GPHN: variants seen among roughly 807,000 people sequenced by gnomAD.
GPHN encodes the protein gephyrin.
A neutral mutation model predicts 95.5 loss-of-function variants in GPHN; 17 were observed. The ratio of observed to expected loss-of-function variants is 0.18; its 90% CI spans 0.12 to 0.27. GPHN has a LOEUF of 0.27. Ranked by LOEUF, GPHN falls within the 10% of genes least tolerant of loss-of-function variation. GPHN has a pLI of 1.00. For missense variants in GPHN, 660 were observed against 978.1 expected (o/e 0.67, Z 4.34); for synonymous variants, 320 against 322.5 (o/e 0.99, Z 0.08).
At chr14:67,212,226 G>T in the GPHN span, among the ~76,000 whole-genome samples, 23,887 of 151,990 alleles carry the variant, frequency 0.16, 3,540 homozygotes, top group East Asian at 0.42. Flanking sequence ...CTCAGTAAAT[G>T]ATCATTATTG....
the GPHN span, chr14:67,592,537 C>T: frequency 1.4e-6 from 1 of 699,222 alleles, no homozygotes; most frequent in Non-Finnish European, 2.6e-6. Flanking sequence ...CTCAAAACAG[C>T]TGTCAGGTAT....
the GPHN span, among the ~76,000 whole-genome samples, chr14:67,632,808 A>ATTTTTTTTTTTTTT: frequency 1.6e-5 from 1 of 62,358 alleles, no homozygotes; most frequent in African/African-American, 6.7e-5. Flanking sequence ...AAGCCTCTTA[A>ATTTTTTTTTTTTTT]TTTTTTTTTT....
intron 2 of GPHN, among the ~76,000 whole-genome samples, chr14:66,688,829 C>A (rs905709955): frequency 8.6e-5 from 13 of 151,540 alleles, no homozygotes; most frequent in African/African-American, 3.2e-4. Context: ...AAACCAAACA[C>A]CGCATGTTCT....
At chr14:66,687,485 G>GTTTT (rs1468240848) in intron 2 of GPHN, among the ~76,000 whole-genome samples, 13 of 143,766 alleles carry the variant, frequency 9.0e-5, no homozygotes, top group Non-Finnish European at 1.5e-4. Flanking sequence ...TATTTTATTT[G>GTTTT]GTTTTTTTTT....
the GPHN span, among the ~76,000 whole-genome samples, chr14:67,373,329 T>C: frequency 6.6e-6 from 1 of 152,208 alleles, no homozygotes; most frequent in Non-Finnish European, 1.5e-5. Flanking sequence ...ATGTAAGTCA[T>C]ACAATTTTTA....
At chr14:66,665,202 A>G (rs1327376842) in intron 1 of GPHN, among the ~76,000 whole-genome samples, 1 of 152,152 alleles carries the variant, frequency 6.6e-6, no homozygotes, top group Non-Finnish European at 1.5e-5. Flanking sequence ...TCAGGCCAAT[A>G]TCCTTGATGA....
At chr14:67,717,420 A>C in the GPHN span, among the ~76,000 whole-genome samples, 1 of 152,380 alleles carries the variant, frequency 6.6e-6, no homozygotes, top group Non-Finnish European at 1.5e-5. Context: ...GATGGCCAGC[A>C]TCCTAGGCCC....
At chr14:67,392,515 C>G in the GPHN span, 1 of 1,265,914 alleles carries the variant, frequency 7.9e-7, no homozygotes, top group South Asian at 1.2e-5. Flanking sequence ...GGAAATTCCT[C>G]AGGACAGGAA....
intron 1 of GPHN, among the ~76,000 whole-genome samples, chr14:66,589,175 G>T (rs548486329): frequency 1.3e-5 from 2 of 152,196 alleles, no homozygotes; most frequent in East Asian, 1.9e-4. Flanking sequence ...TTACAGACAA[G>T]CAAATGCTGA....
At chr14:67,540,109 A>C in the GPHN span, among the ~76,000 whole-genome samples, 2 of 152,154 alleles carry the variant, frequency 1.3e-5, no homozygotes, top group Non-Finnish European at 2.9e-5. Flanking sequence ...AAAAGCAACA[A>C]ATTTTTATTA....
the GPHN span, chr14:67,473,034 C>T: frequency 0.01 from 2,363 of 229,554 alleles, 57 homozygotes; most frequent in African/African-American, 0.051. This position sits in a 1 kb window ranked among gnomAD's most constrained non-coding sequence, Gnocchi z 6.5. Flanking sequence ...AAATCCAGAT[C>T]GGAGGGAGGG....
chr14:67,600,388 GCC>G, the GPHN span: 2 of 547,364 alleles, frequency 3.7e-6, no homozygotes, highest in Non-Finnish European at 3.1e-6. Context: ...TTCCGGGCCG[GCC>G]TTGACTGTCT....
chr14:67,331,225 A>C, the GPHN span, among the ~76,000 whole-genome samples: 5 of 151,904 alleles, frequency 3.3e-5, no homozygotes, highest in African/African-American at 1.2e-4. Context: ...TTGTATTTTT[A>C]ATAGAGACGG....
At chr14:66,986,345 C>A (rs1248120259) in intron 9 of GPHN, among the ~76,000 whole-genome samples, 1 of 152,016 alleles carries the variant, frequency 6.6e-6, no homozygotes, top group East Asian at 1.9e-4. Flanking sequence ...TTTCAAAAAA[C>A]TGATACAACA....
chr14:67,668,736 G>A, the GPHN span, among the ~76,000 whole-genome samples: 98 of 152,284 alleles, frequency 6.4e-4, no homozygotes, highest in African/African-American at 2.3e-3. Context: ...ACCCCCTGGA[G>A]GGCTGTGAAA....
intron 1 of GPHN, among the ~76,000 whole-genome samples, chr14:66,626,131 CCT>C (rs568844729): frequency 2.6e-5 from 4 of 152,014 alleles, no homozygotes; most frequent in Admixed American, 2.0e-4. Context: ...AATTAATACC[CCT>C]GTTTTTCATA....
At chr14:67,507,667 G>A in the GPHN span, among the ~76,000 whole-genome samples, 4 of 152,244 alleles carry the variant, frequency 2.6e-5, no homozygotes, top group Admixed American at 1.3e-4. Context: ...TCTTGAACTG[G>A]CAAGTGATTC....
At chr14:66,572,465 TG>T (rs2060733365) in intron 1 of GPHN, among the ~76,000 whole-genome samples, 1 of 151,696 alleles carries the variant, frequency 6.6e-6, no homozygotes, top group Non-Finnish European at 1.5e-5. Context: ...TTCAATTCCT[TG>T]GTTAAATTTA....
chr14:66,866,400 C>T (rs2063223208), intron 4 of GPHN, among the ~76,000 whole-genome samples: 1 of 151,958 alleles, frequency 6.6e-6, no homozygotes, highest in African/African-American at 2.4e-5. Flanking sequence ...GAATGAGATA[C>T]AAAGTAGTAC....
Sources: gnomAD v4.1 joint callset for allele counts (sites outside exome capture counted in the v4.1 genomes callset) on GRCh38, gnomAD v4.1.1 for gene constraint, Gnocchi (gnomAD v3.1) non-coding constraint, MANE v1.5 for transcripts, NCBI Gene and HGNC (gene_info 2026-07-23, HGNC 2026-07-21) for gene names.